Variants in SLC22A23 observed in about 807,000 individuals in gnomAD.
SLC22A23 encodes the protein solute carrier family 22 member 23.
In SLC22A23, 26 loss-of-function variants were observed where a neutral mutation model predicts 61.0. The ratio of observed to expected loss-of-function variants is 0.43; its 90% CI spans 0.31 to 0.59. SLC22A23 has a LOEUF of 0.59. Ranked by LOEUF, SLC22A23 falls within the 20% of genes least tolerant of loss-of-function variation. The probability of loss-of-function intolerance (pLI) is 0.11; values close to 1 mark genes in which losing one functional copy is unlikely to be tolerated. For synonymous variants in SLC22A23, 430 were observed against 413.9 expected (o/e 1.04, Z -0.47); for missense variants, 796 against 934.7 (o/e 0.85, Z 1.94).
At chr6:3,290,722 A>G (rs1296339866) in intron 5 of SLC22A23, 1 of 152,652 alleles carries the variant, frequency 6.6e-6, no homozygotes, top group African/African-American at 2.4e-5. Flanking sequence ...AAGATTCAGA[A>G]TGGTGGGGGT....
intron 3 of SLC22A23, among the ~76,000 whole-genome samples, chr6:3,384,237 G>T (rs1767139212): frequency 6.6e-6 from 1 of 152,190 alleles, no homozygotes; most frequent in Non-Finnish European, 1.5e-5. Context: ...GTGAATCTTT[G>T]CAAAGTGGTT....
intron 5 of SLC22A23, chr6:3,290,562 G>A (rs1760488723): frequency 6.5e-6 from 1 of 153,624 alleles, no homozygotes; most frequent in South Asian, 2.1e-4. Context: ...CAAGGGATGT[G>A]AGCAACTATA....
chr6:3,364,194 T>C (rs1255442671), intron 3 of SLC22A23, among the ~76,000 whole-genome samples: 1 of 152,220 alleles, frequency 6.6e-6, no homozygotes, highest in East Asian at 1.9e-4. Context: ...GAACACTAAC[T>C]GTCCTTATGG....
At position 3,289,877 on chromosome 6, in the gene SLC22A23, A is replaced by G. The variant is rs767295775; in HGVS notation, c.1211-11T>C. Reference sequence around the variant, plus strand: ...GCTCTTTCTCCAGCTCTGCAAAGAAACAGACCCTGTGAGCCCTGGGCAGGC... The same window carrying G: ...GCTCTTTCTCCAGCTCTGCAAAGAAGCAGACCCTGTGAGCCCTGGGCAGGC... On this transcript the variant is annotated splice_polypyrimidine_tract_variant and intron_variant, in intron 5 of 9. Transcript: ENST00000406686. 2.5e-6 allele frequency: 4 copies of G among 1,612,624 alleles called. No individual in the cohort carries two copies. The highest frequency in any genetic ancestry group is 3.4e-6 in the Non-Finnish European group (4 of 1,179,434).
At position 3,322,185 on chromosome 6, in the gene SLC22A23, G is replaced by A. The variant is rs1762995034; in HGVS notation, c.1082+1649C>T. On this transcript the variant is annotated intron_variant, in intron 4 of 9. Transcript: ENST00000406686. This position sits in a 1 kb window ranked among gnomAD's most constrained non-coding sequence, Gnocchi z 4.1. ...GGGACCGCGGTTCTGTCCTCTATAG[G>A]ATGGGCTGCTGAGATATGAGGGTGG... 6.6e-6 allele frequency among the ~76,000 whole-genome samples: 1 copy of A among 152,140 alleles called. No homozygotes were observed. Among genetic ancestry groups the A allele is most frequent in the Non-Finnish European group, 1.5e-5 (1 of 68,022 alleles).
intron 1 of SLC22A23, among the ~76,000 whole-genome samples, chr6:3,431,032 C>G (rs1296141840): frequency 6.7e-6 from 1 of 148,332 alleles, no homozygotes; most frequent in East Asian, 2.0e-4. Context: ...CATCATTGCA[C>G]TCCAGCCTGG....
chr6:3,298,047 C>A, intron 5 of SLC22A23, 44 bp downstream of exon 5: 2 of 1,458,510 alleles, frequency 1.4e-6, no homozygotes, highest in Non-Finnish European at 1.8e-6. Context: ...AGGGACCTGC[C>A]CCGTGGAGCC....
At position 3,381,784 on chromosome 6, in the gene SLC22A23, T is replaced by C. The variant is rs116681089; in HGVS notation, c.913+28404A>G. Among the ~76,000 whole-genome samples, 1,104 of 152,304 alleles carry C rather than the reference T, an allele frequency of 7.2e-3. 16 individuals are homozygous for C. The highest frequency in any genetic ancestry group is 0.025 in the African/African-American group (1,046 of 41,568). The stretch of plus-strand genomic sequence containing the variant: ...GTGCACAGTAAAGTCCCTAGTTCCT[T>C]TTCTTATCAGCATCCTCTTGGCCTC... On this transcript the variant is annotated intron_variant, in intron 3 of 9. Transcript: ENST00000406686.
chr6:3,369,050 CTT>C lies in SLC22A23; in HGVS notation c.913+41136_913+41137del, dbSNP rs34847864. ...GACTGTCACTATTGTGTGAGGTTTA[CTT>C]TTTTTTTTTTTATGAAAATACTTTT... is the stretch of plus-strand genomic sequence containing the variant. On this transcript the variant is annotated intron_variant, in intron 3 of 9. Coordinates refer to ENST00000406686, the MANE Select transcript of SLC22A23 (RefSeq NM_015482.2). 2.3e-3 allele frequency among the ~76,000 whole-genome samples: 342 copies of C among 147,534 alleles called. 2 individuals carry two copies. The highest frequency in any genetic ancestry group is 6.5e-3 in the South Asian group (30 of 4,596).
chr6:3,436,338 G>A (rs1349974509), intron 1 of SLC22A23, among the ~76,000 whole-genome samples: 2 of 152,132 alleles, frequency 1.3e-5, no homozygotes, highest in African/African-American at 4.8e-5. Flanking sequence ...GTTTCACTAT[G>A]TTGGTCAGGC....
Position 3,410,356 on chromosome 6 carries a change from G to C in SLC22A23, c.759-14C>G. 1.3e-6 allele frequency: 2 copies of C among 1,572,574 alleles called. No homozygotes were observed. The highest frequency in any genetic ancestry group is 1.7e-6 in the Non-Finnish European group (2 of 1,160,764). ...CGCCGGCCGACCCTGCATATGGAGAGGGAAAAAGTTAGGAATCATTGTGAA... is the reference window on the plus strand; with the variant it reads ...CGCCGGCCGACCCTGCATATGGAGACGGAAAAAGTTAGGAATCATTGTGAA... On this transcript the variant is annotated splice_polypyrimidine_tract_variant and intron_variant, in intron 2 of 9. Transcript: ENST00000406686. This position sits in a 1 kb window ranked among gnomAD's most constrained non-coding sequence, Gnocchi z 5.0.
At chr6:3,447,581 TTC>T (rs1771956353) in intron 1 of SLC22A23, among the ~76,000 whole-genome samples, 1 of 117,080 alleles carries the variant, frequency 8.5e-6, no homozygotes, top group African/African-American at 3.2e-5. Flanking sequence ...GAAAGAAACT[TTC>T]TTTTTTTTTT....
intron 4 of SLC22A23, among the ~76,000 whole-genome samples, chr6:3,300,684 T>G (rs1761535787): frequency 6.6e-6 from 1 of 152,210 alleles, no homozygotes; most frequent in Non-Finnish European, 1.5e-5. Context: ...AAATTTTTAT[T>G]TCAAAGTCAC....
rs1235716146 is a variant in SLC22A23 at position 3,456,175 on chromosome 6, G to C, written c.385C>G (p.Arg129Gly). Residue 129 changes from arginine (R) to glycine (G), a missense_variant, in exon 1 of 10, where the codon CGC becomes GGC. Arg to Gly is a moderately radical substitution (Grantham distance 125, BLOSUM62 -2). Coordinates refer to ENST00000406686, the MANE Select transcript of SLC22A23 (RefSeq NM_015482.2). This position sits in a 1 kb window ranked among gnomAD's most constrained non-coding sequence, Gnocchi z 7.1. ...AGCTCGGTGCCTTTGCCGGCCCCGC[G>C]GCACCAGAAGTTGGGCTGGTCCAGG... ...FLLDQPNFWC[R>G]GAGKGTELAG... 4 of 1,551,282 alleles carry C rather than the reference G, an allele frequency of 2.6e-6. No individual in the cohort carries two copies. The highest frequency in any genetic ancestry group is 2.6e-6 in the Non-Finnish European group (3 of 1,146,852).
At chr6:3,321,758 G>A (rs1762966833) in intron 4 of SLC22A23, among the ~76,000 whole-genome samples, 1 of 152,236 alleles carries the variant, frequency 6.6e-6, no homozygotes, top group Admixed American at 6.5e-5. Context: ...CTCTTCTCAG[G>A]AGTATGGGTC....
At chr6:3,391,099 C>A (rs1029453894) in intron 3 of SLC22A23, among the ~76,000 whole-genome samples, 6 of 152,176 alleles carry the variant, frequency 3.9e-5, no homozygotes, top group African/African-American at 1.4e-4. Context: ...AGCAATGACT[C>A]GGGGGAATCA....
intron 3 of SLC22A23, among the ~76,000 whole-genome samples, chr6:3,393,164 T>G (rs537989504): frequency 1.3e-5 from 2 of 152,172 alleles, no homozygotes. Flanking sequence ...GGTTATCTTA[T>G]CAAGGGAATT....
chr6:3,410,293 A>C lies in SLC22A23; in HGVS notation c.808T>G (p.Phe270Val). 1.2e-6 allele frequency: 2 copies of C among 1,613,882 alleles called. No individual in the cohort carries two copies. The highest frequency in any genetic ancestry group is 1.7e-6 in the Non-Finnish European group (2 of 1,179,926). The change falls in exon 3 of 10, where the codon TTT becomes GTT. Residue 270 changes from phenylalanine (F) to valine (V), a missense_variant. Coordinates refer to ENST00000406686, the MANE Select transcript of SLC22A23 (RefSeq NM_015482.2). This position sits in a 1 kb window ranked among gnomAD's most constrained non-coding sequence, Gnocchi z 5.0. The part of the protein sequence containing the change: ...LLFSIIFILI[F>V]GLTVALSVNV... ...ACTGACAGTGCCACAGTCAGTCCAA[A>C]GATCAGAATGAAGATGATGGAAAAC...
rs2127354761 is a variant in SLC22A23 at position 3,297,968 on chromosome 6, A to G, written c.1210+123T>C. On this transcript the variant is annotated intron_variant, in intron 5 of 9. Transcript: ENST00000406686. The surrounding 1 kb of genome is among the most constrained non-coding windows in gnomAD (Gnocchi z 4.3). The stretch of plus-strand genomic sequence containing the variant: ...TTGCCACATTGCCCTTGTGCAGGCC[A>G]AAAGGTCACAGGAGAATTGCACAGC... 8.1e-7 allele frequency: 1 copy of G among 1,234,776 alleles called. No individual in the cohort carries two copies. The highest frequency in any genetic ancestry group is 2.9e-5 in the East Asian group (1 of 34,072). 76.5% of individuals were successfully genotyped at this position (1,234,776 alleles called of 1,614,324 possible). A position where few individuals can be genotyped will look rare whatever the true frequency, so the allele number is the denominator to read the frequency against.
Sources: allele counts gnomAD v4.1 joint callset (sites outside exome capture counted in the v4.1 genomes callset), GRCh38; gene constraint gnomAD v4.1.1; non-coding constraint Gnocchi (gnomAD v3.1); transcripts MANE v1.5; gene names NCBI Gene and HGNC (gene_info 2026-07-23, HGNC 2026-07-21).